Variants in DUX4 observed in about 807,000 individuals in gnomAD.
The protein encoded by DUX4 is double homeobox 4.
chr4:190,176,656 A>C (rs1742315184), downstream of DUX4, among the ~76,000 whole-genome samples: 3 of 122,954 alleles, frequency 2.4e-5, no homozygotes, highest in South Asian at 2.9e-4. Flanking sequence ...CTGTAGGCAG[A>C]GCCTAGACAA....
intron 1 of DUX4, among the ~76,000 whole-genome samples, chr4:190,183,835 C>G (rs1375232922): frequency 0.094 from 8,869 of 93,852 alleles, 482 homozygotes; most frequent in East Asian, 0.24. Context: ...CCACAACCCG[C>G]AGCATACTGG....
At chr4:190,176,369 G>C (rs1381270840), downstream of DUX4, among the ~76,000 whole-genome samples, 1 of 91,522 alleles carries the variant, frequency 1.1e-5, no homozygotes, top group Non-Finnish European at 2.6e-5. Context: ...GTGTCAAAAC[G>C]CTCCTGTAGT....
At chr4:190,176,688 C>T (rs1283998671), downstream of DUX4, among the ~76,000 whole-genome samples, 19 of 118,092 alleles carry the variant, frequency 1.6e-4, 4 homozygotes, top group East Asian at 5.3e-3. Context: ...CTTGGTTGAT[C>T]AGTTCAGAGA....
downstream of DUX4, among the ~76,000 whole-genome samples, chr4:190,179,543 T>G (rs1358755652): frequency 5.9e-5 from 8 of 135,612 alleles, no homozygotes; most frequent in South Asian, 2.2e-4. Flanking sequence ...ACAAGAGTTA[T>G]ATCACCTGGG....
chr4:190,182,258 G>T, intron 1 of DUX4: 1 of 123,558 alleles, frequency 8.1e-6, no homozygotes. Context: ...GTGAGCATTA[G>T]GTTTAGGGTT....
downstream of DUX4, among the ~76,000 whole-genome samples, chr4:190,180,142 A>T (rs1418370553): frequency 1.4e-5 from 1 of 72,182 alleles, no homozygotes; most frequent in Non-Finnish European, 2.8e-5. Flanking sequence ...GGCAGAGCCT[A>T]GAGAAGAGTC....
chr4:190,178,180 T>TCACC (rs1742407603), downstream of DUX4, among the ~76,000 whole-genome samples: 14 of 117,424 alleles, frequency 1.2e-4, no homozygotes, highest in Admixed American at 4.5e-4. Flanking sequence ...AAGAGTTACA[T>TCACC]TACCTGGGTG....
downstream of DUX4, among the ~76,000 whole-genome samples, chr4:190,177,846 T>C (rs1579833395): frequency 0.029 from 1,085 of 36,958 alleles, no homozygotes; most frequent in Non-Finnish European, 0.043. Context: ...ATCACCTGGG[T>C]GATCAGTGCA....
intron 1 of DUX4, among the ~76,000 whole-genome samples, chr4:190,181,429 CTG>C (rs1742570124): frequency 1.2e-5 from 1 of 80,508 alleles, no homozygotes; most frequent in African/African-American, 4.0e-5. Flanking sequence ...CACAATGCCC[CTG>C]CAGGCAGAGC....
downstream of DUX4, among the ~76,000 whole-genome samples, chr4:190,176,134 G>T (rs1294078595): frequency 5.4e-5 from 6 of 111,714 alleles, 2 homozygotes; most frequent in Admixed American, 6.6e-4. Context: ...TTCCCTCCCT[G>T]GGCTGATCAG....
chr4:190,179,516 C>A (rs1283732476), downstream of DUX4, among the ~76,000 whole-genome samples: 5 of 25,376 alleles, frequency 2.0e-4, no homozygotes, highest in South Asian at 9.0e-4. Flanking sequence ...CACAAGCCCC[C>A]TGTAGGCAGA....
downstream of DUX4, among the ~76,000 whole-genome samples, chr4:190,177,729 C>A (rs2126569754): frequency 1.7e-4 from 26 of 149,628 alleles, no homozygotes; most frequent in South Asian, 8.5e-4. Flanking sequence ...AGAGATATAT[C>A]ACAATGCCCC....
At chr4:190,176,144 G>T (rs1403313731), downstream of DUX4, among the ~76,000 whole-genome samples, 28 of 113,336 alleles carry the variant, frequency 2.5e-4, 2 homozygotes, top group African/African-American at 7.0e-4. Context: ...GGGCTGATCA[G>T]TGCAGAGATA....
At chr4:190,177,163 A>ATAAATGTTACATCACCTGGGG (rs1742346232), downstream of DUX4, among the ~76,000 whole-genome samples, 11 of 113,636 alleles carry the variant, frequency 9.7e-5, no homozygotes, top group Non-Finnish European at 1.6e-4. Context: ...CATCACCTAG[A>ATAAATGTTACATCACCTGGGG]TGATCTGTGC....
chr4:190,180,097 G>T (rs1742531031), downstream of DUX4, among the ~76,000 whole-genome samples: 1 of 83,462 alleles, frequency 1.2e-5, no homozygotes, highest in Non-Finnish European at 2.5e-5. Context: ...TCACCTGGGT[G>T]ATCAGTGCAG....
At chr4:190,178,165 T>A (rs1579833868), downstream of DUX4, among the ~76,000 whole-genome samples, 1,642 of 103,320 alleles carry the variant, frequency 0.016, 1 homozygote, top group Non-Finnish European at 0.02. Flanking sequence ...AGGCAGAGAC[T>A]AGAAAAGAGT....
At chr4:190,177,070 A>G (rs1742340166), downstream of DUX4, among the ~76,000 whole-genome samples, 2 of 150,630 alleles carry the variant, frequency 1.3e-5, no homozygotes, top group South Asian at 2.1e-4. Flanking sequence ...TAGGCAGAGT[A>G]TAGAGAAGAG....
At chr4:190,177,774 G>A (rs1579833286), downstream of DUX4, among the ~76,000 whole-genome samples, 3 of 152,292 alleles carry the variant, frequency 2.0e-5, no homozygotes, top group Admixed American at 1.3e-4. Context: ...CCCATCACCT[G>A]GGTGATCAGT....
chr4:190,176,300 T>A (rs1379424208), downstream of DUX4, among the ~76,000 whole-genome samples: 1 of 113,804 alleles, frequency 8.8e-6, no homozygotes, highest in Admixed American at 1.1e-4. Flanking sequence ...TCTGTCACAA[T>A]GCCCCTGTAG....
Sources: allele counts gnomAD v4.1 joint callset (sites outside exome capture counted in the v4.1 genomes callset), GRCh38; gene constraint gnomAD v4.1.1; transcripts MANE v1.5; gene names NCBI Gene and HGNC (gene_info 2026-07-23, HGNC 2026-07-21).